Variants in VWA3B observed in about 807,000 individuals in gnomAD.
The protein encoded by VWA3B is von Willebrand factor A domain containing 3B.
A neutral mutation model predicts 158.3 loss-of-function variants in VWA3B; 138 were observed. The ratio of observed to expected loss-of-function variants is 0.87; its 90% CI spans 0.76 to 1.00. The LOEUF (loss-of-function observed/expected upper bound fraction) is 1.00. Among genes scored for constraint, VWA3B ranks in the 50% least tolerant of loss-of-function variants. The pLI is 0.00. For synonymous variants in VWA3B, 596 were observed against 587.3 expected, an observed-to-expected ratio of 1.01 and a Z score of -0.21; for missense variants, 1,555 against 1,565.1, an observed-to-expected ratio of 0.99 and a Z score of 0.11.
At chr2:98,087,569 G>T (rs116371772) in intron 1 of VWA3B, among the ~76,000 whole-genome samples, 1 of 152,084 alleles carries the variant, frequency 6.6e-6, no homozygotes, top group Non-Finnish European at 1.5e-5. Context: ...GAGGGTCAAG[G>T]TACCGACCCC....
At position 98,287,572 on chromosome 2, in the gene VWA3B, A is replaced by T. The variant is rs182634865; in HGVS notation, c.3046-2939A>T. On this transcript the variant is annotated intron_variant, in intron 22 of 27. Transcript: ENST00000477737. ...ATTTCTGTTAACAGTCATCAAGCAT[A>T]AAAAAATGGAACTTTAGAGTTGGAC... Among the ~76,000 whole-genome samples the T allele has an allele frequency of 6.5e-3, 917 of 140,742 alleles. 5 individuals are homozygous for T. Among genetic ancestry groups the T allele is most frequent in the African/African-American group, 0.022 (875 of 40,616 alleles). The allele number at this position is 140,742 out of a possible 152,430, so 92.3% of individuals were successfully genotyped here.
chr2:98,263,872 T>C lies in VWA3B; in HGVS notation c.2844-6810T>C, dbSNP rs542034148. Reference sequence around the variant, plus strand: ...CAGTTAAGCCATGTGGTACTGGGCTTTTATTTGTTAGGAGGTTTTTGATTA... The same window carrying C: ...CAGTTAAGCCATGTGGTACTGGGCTCTTATTTGTTAGGAGGTTTTTGATTA... On this transcript the variant is annotated intron_variant, in intron 21 of 27. Coordinates refer to ENST00000477737, the MANE Select transcript of VWA3B (RefSeq NM_144992.5). Among the ~76,000 whole-genome samples, 8 of 152,144 alleles carry C rather than the reference T, an allele frequency of 5.3e-5. No individual in the cohort carries two copies. The South Asian group carries it at 1.0e-3, about 20-fold the overall frequency.
chr2:98,110,561 T>C (rs796100227), intron 2 of VWA3B, among the ~76,000 whole-genome samples: 14 of 152,368 alleles, frequency 9.2e-5, no homozygotes, highest in African/African-American at 3.1e-4. Context: ...TGAATGATTT[T>C]TTATTGAAAC....
Position 98,089,872 on chromosome 2 carries a change from C to T in VWA3B, c.-33+2509C>T, listed in dbSNP as rs1190339874. Reference sequence around the variant, plus strand: ...CATATGAGTGCAAAAGGGACTGGGGCGTGCACCTTAGCTATACTGGAGAAG... The same window carrying T: ...CATATGAGTGCAAAAGGGACTGGGGTGTGCACCTTAGCTATACTGGAGAAG... On this transcript the variant is annotated intron_variant, in intron 1 of 27. Transcript: ENST00000477737. Among the ~76,000 whole-genome samples, 16 of 152,142 alleles carry T rather than the reference C, an allele frequency of 1.1e-4. No individual in the cohort carries two copies. In the South Asian group the frequency reaches 1.5e-3, roughly 14 times the overall value.
chr2:98,179,786 T>TTTCTTTC (rs1680342820), intron 8 of VWA3B, among the ~76,000 whole-genome samples: 24 of 116,770 alleles, frequency 2.1e-4, no homozygotes, highest in African/African-American at 7.0e-4. Flanking sequence ...TTTCTCTTTC[T>TTTCTTTC]TTTCTTTCTT....
At position 98,290,532 on chromosome 2, in the gene VWA3B, C is replaced by T; in HGVS notation, c.3067C>T (p.Pro1023Ser). Residue 1023 changes from proline to serine, a missense_variant, in exon 23 of 28, where the codon CCA (proline) becomes TCA (serine). Coordinates refer to ENST00000477737, the MANE Select transcript of VWA3B (RefSeq NM_144992.5). ...TCAGCAACAGAAATTGCAAGGAAAT[C>T]CAACAAAGAAAACCAAATCAAAAAG... is the stretch of plus-strand genomic sequence containing the variant. ...PGEQQKLQGN[P>S]TKKTKSKRPD... 6.3e-7 allele frequency: 1 copy of T among 1,580,094 alleles called. No homozygotes were observed.
rs1346085706 is a variant in VWA3B at position 98,189,008 on chromosome 2, T to C, written c.1466+879T>C. ...TGTTATACCTTTCTTCTGTACTCTT[T>C]AGCTGCCTCTCACAGATTTTGATAT... On this transcript the variant is annotated intron_variant, in intron 10 of 27. Coordinates refer to ENST00000477737, the MANE Select transcript of VWA3B (RefSeq NM_144992.5). 1.3e-4 allele frequency among the ~76,000 whole-genome samples: 20 copies of C among 152,232 alleles called. 1 individual carries two copies. The highest frequency in any genetic ancestry group is 1.5e-5 in the Non-Finnish European group (1 of 68,038).
chr2:98,303,313 A>T lies in VWA3B; in HGVS notation c.3421-389A>T, dbSNP rs1250102889. ...GTGGAGGGGGAAGGATACTGGAGAC[A>T]GTTCTGATAGGGACTTGGGGAGACC... On this transcript the variant is annotated intron_variant, in intron 25 of 27. Transcript: ENST00000477737. 2.0e-5 allele frequency among the ~76,000 whole-genome samples: 3 copies of T among 152,194 alleles called. No individual in the cohort carries two copies. The South Asian group carries it at 6.2e-4, about 32-fold the overall frequency.
intron 26 of VWA3B, among the ~76,000 whole-genome samples, chr2:98,309,938 T>C (rs1048707689): frequency 1.3e-5 from 2 of 152,176 alleles, no homozygotes; most frequent in African/African-American, 4.8e-5. Flanking sequence ...CTATGTAATT[T>C]AGAAGGACAC....
chr2:98,310,534 T>C (rs1045179317), intron 26 of VWA3B, among the ~76,000 whole-genome samples: 12 of 152,294 alleles, frequency 7.9e-5, no homozygotes, highest in African/African-American at 2.9e-4. Flanking sequence ...TCCTAACTCA[T>C]GGAAAATAGA....
Position 98,230,642 on chromosome 2 carries a change from C to T in VWA3B, c.2308+435C>T, listed in dbSNP as rs1222651419. On this transcript the variant is annotated intron_variant, in intron 16 of 27. Coordinates refer to ENST00000477737, the MANE Select transcript of VWA3B (RefSeq NM_144992.5). ...CCCATCACCTAGGGAATCCTTCATG[C>T]TGCCCTTTTATAACCACACCCACCT... 2.6e-5 allele frequency among the ~76,000 whole-genome samples: 4 copies of T among 152,238 alleles called. No individual in the cohort carries two copies. In the South Asian group the frequency reaches 8.3e-4, roughly 32 times the overall value.
chr2:98,157,939 T>C (rs1558614817), intron 7 of VWA3B, among the ~76,000 whole-genome samples: 1 of 152,218 alleles, frequency 6.6e-6, no homozygotes. Flanking sequence ...TTTCTCCTCC[T>C]GTCCTGGAAA....
chr2:98,166,384 A>G (rs532872282), intron 8 of VWA3B, among the ~76,000 whole-genome samples: 24 of 152,230 alleles, frequency 1.6e-4, no homozygotes, highest in African/African-American at 5.1e-4. Context: ...AGGTTAAATG[A>G]GGTCATAAAA....
intron 2 of VWA3B, among the ~76,000 whole-genome samples, chr2:98,107,942 A>T (rs1347350884): frequency 6.6e-6 from 1 of 150,906 alleles, no homozygotes; most frequent in South Asian, 2.1e-4. Context: ...TAATTTCTTC[A>T]GTTGAAAGCT....
intron 8 of VWA3B, among the ~76,000 whole-genome samples, chr2:98,177,636 C>T (rs955767112): frequency 4.0e-5 from 6 of 151,298 alleles, no homozygotes; most frequent in Admixed American, 4.0e-4. Context: ...GTCATCCTTT[C>T]TTTCCTCTAT....
At chr2:98,183,568 C>T (rs1311132517) in intron 9 of VWA3B, among the ~76,000 whole-genome samples, 2 of 152,140 alleles carry the variant, frequency 1.3e-5, no homozygotes, top group African/African-American at 4.8e-5. Context: ...TTCAGGCATC[C>T]CTGAAATCAC....
At chr2:98,117,190 A>T (rs1351331818) in intron 3 of VWA3B, among the ~76,000 whole-genome samples, 2 of 152,150 alleles carry the variant, frequency 1.3e-5, no homozygotes, top group East Asian at 3.9e-4. Context: ...TGGACTGAAG[A>T]GTTTACGGAA....
chr2:98,157,988 T>C (rs573395128), intron 7 of VWA3B, among the ~76,000 whole-genome samples: 3 of 152,340 alleles, frequency 2.0e-5, no homozygotes, highest in Non-Finnish European at 4.4e-5. Flanking sequence ...TCTTGCTTAC[T>C]GTGGCATGAA....
intron 10 of VWA3B, among the ~76,000 whole-genome samples, chr2:98,190,681 C>G (rs1681500521): frequency 6.6e-6 from 1 of 152,166 alleles, no homozygotes; most frequent in Admixed American, 6.5e-5. Context: ...AAATCCTTCT[C>G]CATTGTCTCC....
Sources: allele counts gnomAD v4.1 joint callset (sites outside exome capture counted in the v4.1 genomes callset), GRCh38; gene constraint gnomAD v4.1.1; transcripts MANE v1.5; gene names NCBI Gene and HGNC (gene_info 2026-07-23, HGNC 2026-07-21).